Variants in PTPRF observed in about 807,000 individuals in gnomAD.
PTPRF encodes protein tyrosine phosphatase receptor type F, also known as receptor-type tyrosine-protein phosphatase F.
A neutral mutation model predicts 201.8 loss-of-function variants in PTPRF; 59 were observed. The observed-to-expected ratio is 0.29, with a 90% confidence interval of 0.24 to 0.36. PTPRF has a LOEUF of 0.36. Ranked by LOEUF, PTPRF falls within the 10% of genes least tolerant of loss-of-function variation. The pLI is 1.00. For missense variants in PTPRF, 2,132 were observed against 2,690.5 expected (o/e 0.79, Z 4.59); for synonymous variants, 1,088 against 1,089.7 (o/e 1.00, Z 0.03).
chr1:43,577,838 C>A (rs573596542), intron 6 of PTPRF, among the ~76,000 whole-genome samples: 1 of 152,242 alleles, frequency 6.6e-6, no homozygotes, highest in South Asian at 2.1e-4. Flanking sequence ...TTGGATTGTT[C>A]CAGGGAGGGG....
chr1:43,562,281 T>C (rs1645859359), intron 5 of PTPRF, among the ~76,000 whole-genome samples: 3 of 152,190 alleles, frequency 2.0e-5, no homozygotes, highest in Admixed American at 2.0e-4. Context: ...ACTAATTTTT[T>C]GTATTTTTAG....
chr1:43,580,683 G>A (rs1350959338), intron 7 of PTPRF, among the ~76,000 whole-genome samples: 1 of 151,600 alleles, frequency 6.6e-6, no homozygotes, highest in Non-Finnish European at 1.5e-5. Context: ...TCCAACAGAG[G>A]AGCAGCTGGA....
intron 6 of PTPRF, among the ~76,000 whole-genome samples, chr1:43,577,864 C>G (rs867431364): frequency 6.6e-6 from 1 of 152,130 alleles, no homozygotes; most frequent in African/African-American, 2.4e-5. Context: ...TGCCTGTGCC[C>G]GGGGGTGTGT....
At chr1:43,606,194 G>T in intron 19 of PTPRF, 46 bp from the exon 20 acceptor site, 1 of 1,569,084 alleles carries the variant, frequency 6.4e-7, no homozygotes. Context: ...AGGGCTGGCC[G>T]GCATGCTCCA....
At chr1:43,574,429 AAT>A (rs1439789522) in intron 6 of PTPRF, among the ~76,000 whole-genome samples, 1 of 152,200 alleles carries the variant, frequency 6.6e-6, no homozygotes, top group Admixed American at 6.5e-5. Context: ...TTTAAGGAAA[AAT>A]AGTTATTTTT....
At chr1:43,550,244 C>T (rs1034480346) in intron 3 of PTPRF, among the ~76,000 whole-genome samples, 10 of 152,224 alleles carry the variant, frequency 6.6e-5, no homozygotes, top group African/African-American at 2.4e-4. Flanking sequence ...GGGCACAGCC[C>T]AGCCTCCCAC....
chr1:43,620,816 G>A (rs1200166303), intron 31 of PTPRF, 22 bp from the exon 32 acceptor site: 4 of 1,601,584 alleles, frequency 2.5e-6, no homozygotes, highest in Non-Finnish European at 3.4e-6. Context: ...TTCTAATCAT[G>A]TACCCCACCC....
Position 43,553,419 on chromosome 1 carries a change from G to T in PTPRF, c.92-73G>T. 3 of 1,495,476 alleles carry T rather than the reference G, an allele frequency of 2.0e-6. No individual in the cohort carries two copies. Among genetic ancestry groups the T allele is most frequent in the South Asian group, 2.5e-5 (2 of 81,266 alleles). The allele number at this position is 1,495,476 out of a possible 1,614,324, so 92.6% of individuals were successfully genotyped here. A position where few individuals can be genotyped will look rare whatever the true frequency, so the allele number is the denominator to read the frequency against. ...TGTAGGTCTTTCTCTCTGCCCCCAT[G>T]ACTGCCACCTTCCTCACTGGCCATT... is the stretch of plus-strand genomic sequence containing the variant. On this transcript the variant is annotated intron_variant, in intron 3 of 33. Coordinates refer to ENST00000359947, the MANE Select transcript of PTPRF (RefSeq NM_002840.5). The surrounding 1 kb of genome is among the most constrained non-coding windows in gnomAD (Gnocchi z 4.1).
At chr1:43,529,917 G>A (rs1203088343), upstream of PTPRF, among the ~76,000 whole-genome samples, 2 of 152,070 alleles carry the variant, frequency 1.3e-5, no homozygotes, top group Non-Finnish European at 2.9e-5. Context: ...TTAATTCCGA[G>A]GCCAATGTAA....
In PTPRF at chr1:43,610,981, C is replaced by T. The variant is rs1656306287; in HGVS notation, c.3973+1483C>T. Among the ~76,000 whole-genome samples, 3 of 152,226 alleles carry T rather than the reference C, an allele frequency of 2.0e-5. No individual in the cohort carries two copies. The South Asian group carries it at 6.2e-4, about 32-fold the overall frequency. ...CACCATTAAATAGATGCAGTAGATA[C>T]CAGATGTCCACAAAGCCTAAACTAT... is the stretch of plus-strand genomic sequence containing the variant. On this transcript the variant is annotated intron_variant, in intron 22 of 33. Coordinates refer to ENST00000359947, the MANE Select transcript of PTPRF (RefSeq NM_002840.5).
At chr1:43,567,947 A>G (rs1646296512) in intron 5 of PTPRF, among the ~76,000 whole-genome samples, 1 of 152,034 alleles carries the variant, frequency 6.6e-6, no homozygotes, top group South Asian at 2.1e-4. Flanking sequence ...CTTGCCCCAC[A>G]TTGGGTGTGT....
intron 13 of PTPRF, 39 bp from the exon 14 acceptor site, chr1:43,602,032 A>G: frequency 6.2e-7 from 1 of 1,603,648 alleles, no homozygotes; most frequent in South Asian, 1.1e-5. Flanking sequence ...AGAGTCCTTC[A>G]CCATCCTGTC....
In PTPRF at chr1:43,573,913, T is replaced by G. The variant is rs573987388; in HGVS notation, c.568+4135T>G. Among the ~76,000 whole-genome samples the G allele has an allele frequency of 2.0e-5, 3 of 151,580 alleles. No homozygotes were observed. The South Asian group carries it at 6.3e-4, about 32-fold the overall frequency. On this transcript the variant is annotated intron_variant, in intron 6 of 33. Transcript: ENST00000359947. ...ACAGGAGATCAGCAATGTCAACTTT[T>G]TGGTCTCAGGACCTCTACTTGTAAA...
chr1:43,612,180 A>G (rs1480795907), intron 22 of PTPRF, among the ~76,000 whole-genome samples: 2 of 152,128 alleles, frequency 1.3e-5, no homozygotes, highest in African/African-American at 4.8e-5. Context: ...CAGTGGGGAC[A>G]CCCAGTGGGA....
chr1:43,615,627 C>T (rs541577465), intron 23 of PTPRF, among the ~76,000 whole-genome samples: 39 of 132,598 alleles, frequency 2.9e-4, no homozygotes, highest in East Asian at 2.7e-3. Flanking sequence ...AGTGCAGTGG[C>T]GTGATCTCGG....
chr1:43,578,382 G>A (rs1452394998), intron 6 of PTPRF, among the ~76,000 whole-genome samples: 2 of 152,206 alleles, frequency 1.3e-5, no homozygotes, highest in Non-Finnish European at 2.9e-5. Context: ...TGGCGTGCTT[G>A]TGAATCCCAG....
Position 43,604,122 on chromosome 1 carries a change from A to G in PTPRF, c.2970A>G (p.Ala990=). The G allele has an allele frequency of 5.0e-6, 8 of 1,614,200 alleles. No individual in the cohort carries two copies. The highest frequency in any genetic ancestry group is 6.8e-6 in the Non-Finnish European group (8 of 1,180,042). ...PDTTYDIKVR[A]WTSKGSGPLS... The stretch of plus-strand genomic sequence containing the variant: ...CCACTTACGACATCAAGGTCCGCGC[A>G]TGGACCAGCAAAGGCTCTGGCCCAC... Residue 990 remains alanine, a synonymous_variant, in exon 16 of 34, where the codon GCA becomes GCG. Transcript: ENST00000359947.
chr1:43,535,584 G>A lies in PTPRF; in HGVS notation c.-125-2614G>A, dbSNP rs149271732. ...GTTGCTCCAGAGGGCAGCTGTGCCT[G>A]CATTCCCCTAGGTATCATCGACTTG... On this transcript the variant is annotated intron_variant, in intron 1 of 33. Transcript: ENST00000359947. 6.7e-3 allele frequency among the ~76,000 whole-genome samples: 1,017 copies of A among 152,258 alleles called. 2 individuals carry two copies. The highest frequency in any genetic ancestry group is 0.011 in the Non-Finnish European group (719 of 68,010).
At position 43,546,318 on chromosome 1, in the gene PTPRF, G is replaced by C. The variant is rs1177466181; in HGVS notation, c.91+1152G>C. The stretch of plus-strand genomic sequence containing the variant: ...GGAGAAGGGGCAGGCATTCCCAAGG[G>C]GTGGGGCAAAGGGTCATGGGAGCAC... On this transcript the variant is annotated intron_variant, in intron 3 of 33. Transcript: ENST00000359947. This position sits in a 1 kb window ranked among gnomAD's most constrained non-coding sequence, Gnocchi z 4.2. Among the ~76,000 whole-genome samples the C allele has an allele frequency of 6.6e-6, 1 of 152,146 alleles. No individual in the cohort carries two copies. Among genetic ancestry groups the C allele is most frequent in the Non-Finnish European group, 1.5e-5 (1 of 68,018 alleles).
Sources: allele counts gnomAD v4.1 joint callset (sites outside exome capture counted in the v4.1 genomes callset), GRCh38; gene constraint gnomAD v4.1.1; non-coding constraint Gnocchi (gnomAD v3.1); transcripts MANE v1.5; gene names NCBI Gene and HGNC (gene_info 2026-07-23, HGNC 2026-07-21).